Variants in MYO10 observed in about 807,000 individuals in gnomAD.
MYO10 encodes myosin X, also known as unconventional myosin-X.
MYO10 carries 133 observed loss-of-function variants against 257.3 expected under a neutral mutation model. The observed-to-expected ratio is 0.52, with a 90% CI of 0.45 to 0.60. The LOEUF (loss-of-function observed/expected upper bound fraction) is 0.60. Among genes scored for constraint, MYO10 ranks in the 20% least tolerant of loss-of-function variants. The pLI is 0.00. For synonymous variants in MYO10, 1,104 were observed against 1,028.6 expected, an observed-to-expected ratio of 1.07 and a Z score of -1.40; for missense variants, 2,399 against 2,635.7, an observed-to-expected ratio of 0.91 and a Z score of 1.97.
At chr5:16,702,844 T>C (rs749818321) in intron 23 of MYO10, 81 bp downstream of exon 23, 54 of 1,304,896 alleles carry the variant, frequency 4.1e-5, no homozygotes, top group Non-Finnish European at 5.2e-5. Flanking sequence ...TCTGCTGGGA[T>C]TTCTGGCTGC....
Position 16,663,137 on chromosome 5 carries a change from A to G in MYO10, c.*3555T>C, listed in dbSNP as rs1223422317. ...AAAATACTATGCTGAGAAAAAAGTA[A>G]GCTACAACAGTTTGTTTCCATCTAT... On this transcript the variant is annotated 3_prime_UTR_variant, in exon 41 of 41. Transcript: ENST00000513610. The G allele has an allele frequency of 6.6e-6, 1 of 152,212 alleles. No homozygotes were observed. Among genetic ancestry groups the G allele is most frequent in the Non-Finnish European group, 1.5e-5 (1 of 68,044 alleles). 9.4% of individuals were successfully genotyped at this position (152,212 alleles called of 1,614,324 possible). A position where few individuals can be genotyped will look rare whatever the true frequency, so the allele number is the denominator to read the frequency against.
chr5:16,861,546 T>C (rs555350611), intron 2 of MYO10, among the ~76,000 whole-genome samples: 1 of 152,124 alleles, frequency 6.6e-6, no homozygotes, highest in African/African-American at 2.4e-5. Flanking sequence ...CACTCCAGCC[T>C]GGGCAACAAG....
At chr5:16,762,172 T>G (rs1247376819) in intron 15 of MYO10, 59 bp from the exon 16 acceptor site, 1 of 1,445,294 alleles carries the variant, frequency 6.9e-7, no homozygotes, top group African/African-American at 1.5e-5. Flanking sequence ...CTCACTGATT[T>G]CCTTTGACTT....
At chr5:16,691,876 G>A (rs929033497) in intron 27 of MYO10, among the ~76,000 whole-genome samples, 1 of 152,152 alleles carries the variant, frequency 6.6e-6, no homozygotes, top group African/African-American at 2.4e-5. Context: ...AGAAACAAAT[G>A]AGAAAGAGAA....
At position 16,890,269 on chromosome 5, in the gene MYO10, C is replaced by T. The variant is rs577564008; in HGVS notation, c.22-12562G>A. On this transcript the variant is annotated intron_variant, in intron 1 of 40. Coordinates refer to ENST00000513610, the MANE Select transcript of MYO10 (RefSeq NM_012334.3). ...AAGAATGTGGAGAAACTAGAACCCT[C>T]GTGCACTGCTGCTAAGAATGTGAAA... Among the ~76,000 whole-genome samples, 131 of 151,978 alleles carry T rather than the reference C, an allele frequency of 8.6e-4. 1 individual carries two copies. The highest frequency in any genetic ancestry group is 5.2e-3 in the South Asian group (25 of 4,824).
intron 4 of MYO10, among the ~76,000 whole-genome samples, chr5:16,786,935 A>G (rs1326100875): frequency 2.0e-5 from 3 of 152,110 alleles, no homozygotes; most frequent in African/African-American, 7.2e-5. Context: ...TTGGGAGGCC[A>G]AGACAGGGAG....
chr5:16,869,175 C>G lies in MYO10; in HGVS notation c.120+8434G>C, dbSNP rs540096627. 3.8e-3 allele frequency among the ~76,000 whole-genome samples: 579 copies of G among 151,072 alleles called. 4 individuals carry two copies. Among genetic ancestry groups the G allele is most frequent in the African/African-American group, 0.013 (542 of 41,148 alleles). On this transcript the variant is annotated intron_variant, in intron 2 of 40. Coordinates refer to ENST00000513610, the MANE Select transcript of MYO10 (RefSeq NM_012334.3). ...GAGTAGCTGGGACTACAGGCACCCA[C>G]CACCACACCCGGCTAATTTTTTTTT...
At chr5:16,798,832 T>C (rs1742039712) in intron 3 of MYO10, among the ~76,000 whole-genome samples, 2 of 152,144 alleles carry the variant, frequency 1.3e-5, no homozygotes, top group Admixed American at 1.3e-4. Flanking sequence ...CAGTCAACAC[T>C]GCCAACCATC....
At chr5:16,689,788 G>A (rs1043518008) in intron 28 of MYO10, 36 bp downstream of exon 28, 3 of 1,507,692 alleles carry the variant, frequency 2.0e-6, no homozygotes, top group African/African-American at 2.8e-5. Context: ...GAGGGAGCAG[G>A]ATGTGGGTAA....
intron 19 of MYO10, among the ~76,000 whole-genome samples, chr5:16,743,552 A>G (rs916494534): frequency 2.0e-5 from 3 of 151,988 alleles, no homozygotes; most frequent in Non-Finnish European, 2.9e-5. Flanking sequence ...CTGAGGCAGG[A>G]GAATTGCTTG....
At chr5:16,830,740 C>T (rs867984278) in intron 2 of MYO10, among the ~76,000 whole-genome samples, 5 of 151,006 alleles carry the variant, frequency 3.3e-5, no homozygotes, top group Non-Finnish European at 5.9e-5. Context: ...TAAAAACTTA[C>T]ATTTGCAAAA....
intron 25 of MYO10, among the ~76,000 whole-genome samples, chr5:16,700,615 T>C (rs1350164854): frequency 6.6e-6 from 1 of 152,170 alleles, no homozygotes; most frequent in African/African-American, 2.4e-5. Flanking sequence ...AGGTGGGGAC[T>C]GCAGTGAGGC....
intron 9 of MYO10, among the ~76,000 whole-genome samples, chr5:16,770,949 G>C (rs1295977230): frequency 6.6e-6 from 1 of 152,104 alleles, no homozygotes; most frequent in Admixed American, 6.6e-5. Flanking sequence ...TGTATTTTCA[G>C]TAGATACGAG....
At chr5:16,803,189 G>GCCGCCTC (rs1742173981) in intron 3 of MYO10, among the ~76,000 whole-genome samples, 1 of 152,096 alleles carries the variant, frequency 6.6e-6, no homozygotes, top group South Asian at 2.1e-4. Context: ...AGTTTGGGAG[G>GCCGCCTC]CCGAGGCGGG....
intron 27 of MYO10, among the ~76,000 whole-genome samples, chr5:16,691,202 G>A (rs1401351025): frequency 3.3e-5 from 5 of 150,810 alleles, no homozygotes; most frequent in African/African-American, 2.4e-5. Context: ...CCCAGGAGGT[G>A]GAGCTTGCAG....
chr5:16,764,196 G>GCAGCTAA (rs1429163652), intron 12 of MYO10, 54 bp downstream of exon 12: 2 of 1,571,724 alleles, frequency 1.3e-6, no homozygotes, highest in Non-Finnish European at 1.7e-6. Context: ...TTGTTCAATA[G>GCAGCTAA]CAGCTAATCA....
At chr5:16,801,160 T>C (rs1382285833) in intron 3 of MYO10, among the ~76,000 whole-genome samples, 1 of 152,010 alleles carries the variant, frequency 6.6e-6, no homozygotes, top group Non-Finnish European at 1.5e-5. Flanking sequence ...GCTTGTTGGG[T>C]AGAGAAAGAG....
intron 2 of MYO10, among the ~76,000 whole-genome samples, chr5:16,824,404 C>T (rs1410876165): frequency 6.6e-6 from 1 of 152,112 alleles, no homozygotes; most frequent in Non-Finnish European, 1.5e-5. Context: ...TAAATGGGCA[C>T]AGACCAGGAA....
At chr5:16,871,031 CAT>C (rs1744444141) in intron 2 of MYO10, among the ~76,000 whole-genome samples, 2 of 152,172 alleles carry the variant, frequency 1.3e-5, no homozygotes, top group Non-Finnish European at 2.9e-5. Context: ...TATATGCTAA[CAT>C]AAAATGTTTC....
Sources: gnomAD v4.1 joint callset for allele counts (sites outside exome capture counted in the v4.1 genomes callset) on GRCh38, gnomAD v4.1.1 for gene constraint, MANE v1.5 for transcripts, NCBI Gene and HGNC (gene_info 2026-07-23, HGNC 2026-07-21) for gene names.